Variants in FAM124A observed in about 807,000 individuals in gnomAD.
FAM124A encodes protein FAM124A.
In FAM124A, 23 loss-of-function variants were observed where a neutral mutation model predicts 24.5. The ratio of observed to expected loss-of-function variants is 0.94; its 90% confidence interval spans 0.68 to 1.33. The LOEUF (loss-of-function observed/expected upper bound fraction) is 1.33. Among genes scored for constraint, FAM124A ranks in the 40% most tolerant of loss-of-function variants. The pLI, the probability that FAM124A is intolerant of heterozygous loss-of-function variation, is 0.00. For missense variants in FAM124A, 623 were observed against 722.8 expected (o/e 0.86, Z 1.58); for synonymous variants, 287 against 314.7 (o/e 0.91, Z 0.93).
chr13:51,244,825 G>C (rs1954537897), intron 2 of FAM124A, among the ~76,000 whole-genome samples: 1 of 152,186 alleles, frequency 6.6e-6, no homozygotes, highest in Admixed American at 6.5e-5. Context: ...AGCTGAGGAT[G>C]CCCACCCAGG....
chr13:51,232,208 A>G (rs925729064), intron 2 of FAM124A, among the ~76,000 whole-genome samples: 4 of 152,208 alleles, frequency 2.6e-5, no homozygotes, highest in African/African-American at 9.6e-5. Context: ...GTACAGGTAA[A>G]TTTACTCATG....
chr13:51,266,074 G>A (rs970534477), intron 3 of FAM124A, among the ~76,000 whole-genome samples: 1 of 150,958 alleles, frequency 6.6e-6, no homozygotes, highest in African/African-American at 2.4e-5. Context: ...GGTGGGTCTA[G>A]GGGTGTTGTT....
At chr13:51,264,732 A>T (rs1293781866) in intron 3 of FAM124A, among the ~76,000 whole-genome samples, 2 of 152,262 alleles carry the variant, frequency 1.3e-5, no homozygotes. Context: ...ATGGATTCAT[A>T]ATAGCTGTAC....
intron 3 of FAM124A, among the ~76,000 whole-genome samples, chr13:51,271,664 C>T (rs1243932479): frequency 6.6e-6 from 1 of 152,064 alleles, no homozygotes; most frequent in Admixed American, 6.6e-5. Context: ...AAGTACCGGC[C>T]CACGTAATAC....
chr13:51,244,729 G>A (rs1954536960), intron 2 of FAM124A, among the ~76,000 whole-genome samples: 1 of 152,184 alleles, frequency 6.6e-6, no homozygotes, highest in South Asian at 2.1e-4. Context: ...GTGGTTGTGA[G>A]GGGCCCTGGC....
chr13:51,269,528 T>C (rs1034226314), intron 3 of FAM124A, among the ~76,000 whole-genome samples: 1 of 152,228 alleles, frequency 6.6e-6, no homozygotes, highest in African/African-American at 2.4e-5. Context: ...GTTGAATTGA[T>C]TAGATTTACA....
chr13:51,233,318 C>A (rs1417888697), intron 2 of FAM124A, among the ~76,000 whole-genome samples: 1 of 151,972 alleles, frequency 6.6e-6, no homozygotes, highest in Non-Finnish European at 1.5e-5. Flanking sequence ...TTGTTCCAGG[C>A]AGGAAAAAAG....
At chr13:51,256,026 C>T (rs762276328) in intron 3 of FAM124A, among the ~76,000 whole-genome samples, 2 of 152,230 alleles carry the variant, frequency 1.3e-5, no homozygotes, top group Admixed American at 1.3e-4. Flanking sequence ...TGGGGTTGTG[C>T]ACTGTTCCTT....
At chr13:51,236,523 G>T (rs960439258) in intron 2 of FAM124A, among the ~76,000 whole-genome samples, 3 of 152,194 alleles carry the variant, frequency 2.0e-5, no homozygotes, top group African/African-American at 7.2e-5. Flanking sequence ...ATATAATTAA[G>T]CAATTACATT....
intron 3 of FAM124A, among the ~76,000 whole-genome samples, chr13:51,259,282 A>G (rs571095643): frequency 6.6e-6 from 1 of 152,018 alleles, no homozygotes; most frequent in South Asian, 2.1e-4. Context: ...ATCCTTTTAC[A>G]ATGCAAATCA....
intron 3 of FAM124A, among the ~76,000 whole-genome samples, chr13:51,262,189 CT>C (rs1366826577): frequency 6.6e-6 from 1 of 152,248 alleles, no homozygotes; most frequent in African/African-American, 2.4e-5. Flanking sequence ...GTCCTGCGAC[CT>C]GCCAGCTTTG....
chr13:51,228,619 AACTTGTCCAGAGTACAG>A (rs1021182316), intron 1 of FAM124A, among the ~76,000 whole-genome samples: 8 of 152,336 alleles, frequency 5.3e-5, no homozygotes, highest in Admixed American at 2.0e-4. Context: ...GCCTAAAAAA[AACTTGTCCAGAGTACAG>A]ACTTGTCCAG....
chr13:51,263,717 T>C (rs960307847), intron 3 of FAM124A, among the ~76,000 whole-genome samples: 14 of 152,238 alleles, frequency 9.2e-5, no homozygotes, highest in African/African-American at 3.4e-4. Flanking sequence ...TGGGTTTTTA[T>C]TTATTCAGTA....
intron 2 of FAM124A, among the ~76,000 whole-genome samples, chr13:51,244,734 C>G (rs1490070568): frequency 2.0e-5 from 3 of 152,094 alleles, no homozygotes; most frequent in African/African-American, 7.2e-5. Context: ...TGTGAGGGGC[C>G]CTGGCGCAAG....
At chr13:51,234,082 T>A (rs577601755) in intron 2 of FAM124A, among the ~76,000 whole-genome samples, 47 of 152,350 alleles carry the variant, frequency 3.1e-4, no homozygotes, top group Non-Finnish European at 5.4e-4. Context: ...CTCTCTCGAC[T>A]CAGTGGCTTT....
intron 2 of FAM124A, among the ~76,000 whole-genome samples, chr13:51,242,824 A>G (rs1034434000): frequency 6.6e-6 from 1 of 152,220 alleles, no homozygotes; most frequent in Non-Finnish European, 1.5e-5. Context: ...AGACATCCAC[A>G]TCGCTGACAT....
intron 3 of FAM124A, among the ~76,000 whole-genome samples, chr13:51,274,341 T>G (rs1593611381): frequency 6.6e-6 from 1 of 152,224 alleles, no homozygotes; most frequent in East Asian, 1.9e-4. Context: ...GCATTATACT[T>G]ATCACTTGAG....
chr13:51,267,107 C>T (rs542344375), intron 3 of FAM124A, among the ~76,000 whole-genome samples: 2 of 152,312 alleles, frequency 1.3e-5, no homozygotes, highest in South Asian at 4.1e-4. Context: ...TTGTAATAGG[C>T]TGATTCTGTT....
At chr13:51,241,234 C>T (rs1954490353) in intron 2 of FAM124A, among the ~76,000 whole-genome samples, 1 of 152,188 alleles carries the variant, frequency 6.6e-6, no homozygotes, top group Non-Finnish European at 1.5e-5. Flanking sequence ...AGGTGGAGGG[C>T]CCCAAGGCGA....
Sources: allele counts gnomAD v4.1 joint callset (sites outside exome capture counted in the v4.1 genomes callset), GRCh38; gene constraint gnomAD v4.1.1; transcripts MANE v1.5; gene names NCBI Gene and HGNC (gene_info 2026-07-23, HGNC 2026-07-21).